SUCLG2: variants seen among roughly 807,000 people sequenced by gnomAD.
SUCLG2 encodes the protein succinate--CoA ligase [GDP-forming] subunit beta, mitochondrial.
SUCLG2 carries 42 observed loss-of-function variants against 47.9 expected under a neutral mutation model. That is an observed-to-expected ratio of 0.88 (90% CI 0.69 to 1.14). The LOEUF (loss-of-function observed/expected upper bound fraction) is 1.14, where lower values mean the gene tolerates loss of function less well. Among genes scored for constraint, SUCLG2 ranks in the 50% most tolerant of loss-of-function variants. The probability of loss-of-function intolerance (pLI) is 0.00; values close to 1 mark genes in which losing one functional copy is unlikely to be tolerated. For synonymous variants in SUCLG2, 195 were observed against 197.3 expected, an observed-to-expected ratio of 0.99 and a Z score of 0.10; for missense variants, 571 against 525.9, an observed-to-expected ratio of 1.09 and a Z score of -0.84.
chr3:67,539,893 A>C (rs980829944), intron 2 of SUCLG2, among the ~76,000 whole-genome samples: 1 of 151,918 alleles, frequency 6.6e-6, no homozygotes, highest in African/African-American at 2.4e-5. Context: ...TTTCTGTGGG[A>C]TCAGTGGTGA....
chr3:67,543,447 G>C (rs1706772285), intron 2 of SUCLG2, among the ~76,000 whole-genome samples: 1 of 152,118 alleles, frequency 6.6e-6, no homozygotes, highest in Non-Finnish European at 1.5e-5. Flanking sequence ...CAGGTGGGTT[G>C]CTTGAGCCCA....
chr3:67,436,678 G>A (rs919421570), intron 9 of SUCLG2, among the ~76,000 whole-genome samples: 3 of 152,074 alleles, frequency 2.0e-5, no homozygotes, highest in Non-Finnish European at 4.4e-5. Flanking sequence ...ATCAGCAAGT[G>A]TTAGGTAAAA....
chr3:67,440,896 A>G (rs1270957225), intron 9 of SUCLG2, among the ~76,000 whole-genome samples: 2 of 152,252 alleles, frequency 1.3e-5, no homozygotes, highest in African/African-American at 4.8e-5. Context: ...ACAAAGGATT[A>G]CAAATCATTT....
chr3:67,430,338 T>C (rs1456160735), intron 9 of SUCLG2, among the ~76,000 whole-genome samples: 3 of 152,150 alleles, frequency 2.0e-5, no homozygotes, highest in African/African-American at 7.2e-5. Context: ...AACAACCTGC[T>C]CCTGAGTGGC....
At chr3:67,467,734 T>C (rs1210213294) in intron 9 of SUCLG2, among the ~76,000 whole-genome samples, 1 of 152,162 alleles carries the variant, frequency 6.6e-6, no homozygotes, top group Admixed American at 6.5e-5. Context: ...TGTTTTATCC[T>C]GTCATTTAAT....
At chr3:67,590,678 T>G (rs1708136361) in intron 2 of SUCLG2, among the ~76,000 whole-genome samples, 2 of 152,348 alleles carry the variant, frequency 1.3e-5, no homozygotes, top group Admixed American at 1.3e-4. Flanking sequence ...CCATGCCTCT[T>G]GTACAGCCTG....
intron 1 of SUCLG2, among the ~76,000 whole-genome samples, chr3:67,633,887 A>T (rs1700966453): frequency 6.6e-6 from 1 of 152,094 alleles, no homozygotes; most frequent in African/African-American, 2.4e-5. Flanking sequence ...TAATATTTTT[A>T]AAATATTTCT....
intron 1 of SUCLG2, 139 bp from the exon 2 acceptor site, chr3:67,609,735 AC>A (rs1176155304): frequency 2.1e-5 from 14 of 655,764 alleles, no homozygotes; most frequent in Non-Finnish European, 3.3e-5. Flanking sequence ...GAAAAAAAAA[AC>A]CCACTTAAAT....
intron 1 of SUCLG2, among the ~76,000 whole-genome samples, chr3:67,647,354 C>T (rs2107380985): frequency 6.6e-6 from 1 of 152,262 alleles, no homozygotes; most frequent in Non-Finnish European, 1.5e-5. Flanking sequence ...GGAATCATTT[C>T]TAGAAAGGGT....
At chr3:67,574,217 T>G (rs189722708) in intron 2 of SUCLG2, among the ~76,000 whole-genome samples, 28 of 152,336 alleles carry the variant, frequency 1.8e-4, no homozygotes, top group Non-Finnish European at 1.2e-4. Context: ...TGGGTCCCCC[T>G]AGTAATCCAG....
chr3:67,615,182 T>C (rs765751263), intron 1 of SUCLG2, among the ~76,000 whole-genome samples: 4 of 150,276 alleles, frequency 2.7e-5, no homozygotes, highest in Non-Finnish European at 5.9e-5. Flanking sequence ...AACCAGAAGA[T>C]AACAAGACAA....
At chr3:67,648,011 G>C (rs941416022) in intron 1 of SUCLG2, among the ~76,000 whole-genome samples, 1 of 152,190 alleles carries the variant, frequency 6.6e-6, no homozygotes, top group African/African-American at 2.4e-5. Context: ...AAAGACCAGC[G>C]AATTTAGCTT....
chr3:67,393,704 C>G (rs957620712), intron 10 of SUCLG2, among the ~76,000 whole-genome samples: 3 of 152,200 alleles, frequency 2.0e-5, no homozygotes, highest in African/African-American at 7.2e-5. Flanking sequence ...GATCTGAGAA[C>G]GGGCAGACTG....
chr3:67,411,039 T>G (rs187020927), intron 9 of SUCLG2, among the ~76,000 whole-genome samples: 3 of 152,116 alleles, frequency 2.0e-5, no homozygotes, highest in African/African-American at 7.2e-5. Context: ...TGTTGGAGAG[T>G]TAATATAGAG....
chr3:67,492,743 G>C (rs922870078), intron 9 of SUCLG2, among the ~76,000 whole-genome samples: 1 of 152,130 alleles, frequency 6.6e-6, no homozygotes, highest in South Asian at 2.1e-4. Context: ...GCTTGGTAGA[G>C]GAACTTCATT....
At chr3:67,583,926 T>C (rs79252373) in intron 2 of SUCLG2, among the ~76,000 whole-genome samples, 6,633 of 152,312 alleles carry the variant, frequency 0.044, 474 homozygotes, top group African/African-American at 0.15. Context: ...GATAATCTCC[T>C]GATCTTAAGG....
chr3:67,533,230 C>T (rs763524014), intron 2 of SUCLG2, among the ~76,000 whole-genome samples: 4 of 152,126 alleles, frequency 2.6e-5, no homozygotes, highest in Non-Finnish European at 5.9e-5. Context: ...AGTGATGAGT[C>T]AACTATTTGT....
intron 10 of SUCLG2, among the ~76,000 whole-genome samples, chr3:67,391,397 G>A (rs984997340): frequency 3.3e-5 from 5 of 152,006 alleles, no homozygotes; most frequent in Admixed American, 1.3e-4. Flanking sequence ...ACTCCTATTC[G>A]CTACATGATG....
chr3:67,547,904 C>A (rs796312167), intron 2 of SUCLG2, among the ~76,000 whole-genome samples: 2 of 152,264 alleles, frequency 1.3e-5, no homozygotes, highest in African/African-American at 4.8e-5. Context: ...ACACCCCTTA[C>A]ACCGCCTCCA....
Sources: gnomAD v4.1 joint callset for allele counts (sites outside exome capture counted in the v4.1 genomes callset) on GRCh38, gnomAD v4.1.1 for gene constraint, MANE v1.5 for transcripts, NCBI Gene and HGNC (gene_info 2026-07-23, HGNC 2026-07-21) for gene names.